PRKACB: variants seen among roughly 807,000 people sequenced by gnomAD.
PRKACB encodes protein kinase cAMP-activated catalytic subunit beta.
PRKACB carries 16 observed loss-of-function variants against 51.4 expected under a neutral mutation model. That is an observed-to-expected ratio of 0.31 (90% CI 0.21 to 0.47). The LOEUF (loss-of-function observed/expected upper bound fraction) is 0.47, where lower values mean the gene tolerates loss of function less well. PRKACB is among the 20% of genes least tolerant of loss of function. The pLI is 1.00. For synonymous variants in PRKACB, 147 were observed against 154.4 expected, an observed-to-expected ratio of 0.95 and a Z score of 0.35; for missense variants, 309 against 464.5, an observed-to-expected ratio of 0.67 and a Z score of 3.08.
At chr1:84,212,906 G>A (rs987602432) in intron 8 of PRKACB, among the ~76,000 whole-genome samples, 1 of 152,028 alleles carries the variant, frequency 6.6e-6, no homozygotes, top group African/African-American at 2.4e-5. Flanking sequence ...CAGAGCCTGG[G>A]GGAGACAGAA....
At chr1:84,227,328 C>T (rs2101664199) in intron 9 of PRKACB, among the ~76,000 whole-genome samples, 1 of 152,132 alleles carries the variant, frequency 6.6e-6, no homozygotes, top group South Asian at 2.1e-4. Context: ...ATAAAATCAT[C>T]CATTTCCCTT....
intron 1 of PRKACB, among the ~76,000 whole-genome samples, chr1:84,160,499 T>C (rs1190939136): frequency 6.7e-6 from 1 of 148,920 alleles, no homozygotes; most frequent in Non-Finnish European, 1.5e-5. Flanking sequence ...CATAAGACTT[T>C]TGGTTTAATT....
chr1:84,203,215 G>A (rs1670632307), intron 8 of PRKACB, among the ~76,000 whole-genome samples: 1 of 151,834 alleles, frequency 6.6e-6, no homozygotes, highest in African/African-American at 2.4e-5. Flanking sequence ...CTATAACATT[G>A]GAAGTAAAAG....
At chr1:84,110,228 A>G (rs924715170) in intron 1 of PRKACB, among the ~76,000 whole-genome samples, 6 of 152,020 alleles carry the variant, frequency 3.9e-5, no homozygotes, top group Non-Finnish European at 8.8e-5. Context: ...ATATGAAATA[A>G]TACAAATAAA....
intron 1 of PRKACB, among the ~76,000 whole-genome samples, chr1:84,137,286 A>G (rs1652925408): frequency 6.6e-6 from 1 of 152,236 alleles, no homozygotes; most frequent in African/African-American, 2.4e-5. Flanking sequence ...TTACTAAGTG[A>G]TAAAAACACT....
rs1189553832 is a variant in PRKACB, at chr1:84,236,325, A to G, written c.*1020A>G. On this transcript the variant is annotated 3_prime_UTR_variant, in exon 10 of 10. Coordinates refer to ENST00000370685, the MANE Select transcript of PRKACB (RefSeq NM_182948.4). The stretch of plus-strand genomic sequence containing the variant: ...AAAAATGGCTTGATTTTTGGAAACA[A>G]TATAGAGGTATTCATATTTAAATGA... 6.6e-6 allele frequency: 1 copy of G among 152,576 alleles called. No individual in the cohort carries two copies. Among genetic ancestry groups the G allele is most frequent in the African/African-American group, 2.4e-5 (1 of 41,450 alleles). The allele number at this position is 152,576 out of a possible 1,614,324, so 9.5% of individuals were successfully genotyped here. A position where few individuals can be genotyped will look rare whatever the true frequency, so the allele number is the denominator to read the frequency against.
At chr1:84,137,374 A>T (rs996564850) in intron 1 of PRKACB, among the ~76,000 whole-genome samples, 1 of 152,220 alleles carries the variant, frequency 6.6e-6, no homozygotes, top group Admixed American at 6.5e-5. Flanking sequence ...AAAAAATATC[A>T]TTAGGTGCCA....
At chr1:84,232,430 A>G (rs1314094261) in intron 9 of PRKACB, among the ~76,000 whole-genome samples, 2 of 152,188 alleles carry the variant, frequency 1.3e-5, no homozygotes, top group African/African-American at 2.4e-5. Context: ...GTAGATGTCT[A>G]TTAGGTCCAC....
chr1:84,156,179 A>T (rs1371907235), intron 1 of PRKACB, among the ~76,000 whole-genome samples: 1 of 151,888 alleles, frequency 6.6e-6, no homozygotes, highest in Non-Finnish European at 1.5e-5. Flanking sequence ...TATTTTTTGT[A>T]GAGATGAGAT....
chr1:84,202,724 A>G lies in PRKACB; in HGVS notation c.825A>G (p.Leu275=). Residue 275 remains leucine (L), a synonymous_variant, in exon 8 of 10, where the codon CTA becomes CTG. Coordinates refer to ENST00000370685, the MANE Select transcript of PRKACB (RefSeq NM_182948.4). ...KAVDWWALGV[L]IYEMAAGYPP... is the part of the protein sequence containing the mutation. ...TGGATTGGTGGGCATTAGGAGTGCTAATCTATGAAATGGCAGCTGGCTATC... is the reference window on the plus strand; with the variant it reads ...TGGATTGGTGGGCATTAGGAGTGCTGATCTATGAAATGGCAGCTGGCTATC... 2 of 1,610,214 alleles carry G rather than the reference A, an allele frequency of 1.2e-6. No individual in the cohort carries two copies. The highest frequency in any genetic ancestry group is 2.2e-5 in the East Asian group (1 of 44,714).
At chr1:84,157,705 A>T (rs2100678673) in intron 1 of PRKACB, among the ~76,000 whole-genome samples, 1 of 152,306 alleles carries the variant, frequency 6.6e-6, no homozygotes, top group Non-Finnish European at 1.5e-5. Context: ...TTTTAGGTTC[A>T]TCCATGTTAT....
chr1:84,171,923 A>G (rs1230735973), intron 1 of PRKACB, among the ~76,000 whole-genome samples: 1 of 151,704 alleles, frequency 6.6e-6, no homozygotes, highest in Non-Finnish European at 1.5e-5. Flanking sequence ...CTTTTACAAT[A>G]GCAACCAAAG....
chr1:84,145,311 T>A (rs1653908555), intron 1 of PRKACB, among the ~76,000 whole-genome samples: 1 of 152,078 alleles, frequency 6.6e-6, no homozygotes, highest in Admixed American at 6.6e-5. Flanking sequence ...CCTTGGACCC[T>A]CCTCAAGGTA....
chr1:84,199,363 C>G (rs1200993732), intron 7 of PRKACB, among the ~76,000 whole-genome samples: 2 of 152,004 alleles, frequency 1.3e-5, no homozygotes, highest in African/African-American at 4.8e-5. Flanking sequence ...TTCATAAATT[C>G]TCATCATTTA....
At chr1:84,111,872 A>G (rs1467191075) in intron 1 of PRKACB, among the ~76,000 whole-genome samples, 6 of 152,154 alleles carry the variant, frequency 3.9e-5, no homozygotes, top group Non-Finnish European at 8.8e-5. Context: ...GACCCCAGAG[A>G]ATGGTGTGGC....
At position 84,180,208 on chromosome 1, in the gene PRKACB, A is replaced by ATG. The variant is rs1553173853; in HGVS notation, c.249+972_249+973dup. 4.4e-4 allele frequency among the ~76,000 whole-genome samples: 57 copies of ATG among 129,940 alleles called. 3 individuals are homozygous for ATG. The highest frequency in any genetic ancestry group is 1.5e-3 in the African/African-American group (54 of 37,036). 85.2% of individuals were successfully genotyped at this position (129,940 alleles called of 152,430 possible). A position where few individuals can be genotyped will look rare whatever the true frequency, so the allele number is the denominator to read the frequency against. On this transcript the variant is annotated intron_variant, in intron 2 of 9. Coordinates refer to ENST00000370685, the MANE Select transcript of PRKACB (RefSeq NM_182948.4). ...GATATATATATATATATATATATAT[A>ATG]TGTATGATGGAGTACTATGCAGCCA...
chr1:84,110,447 A>T (rs904767748), intron 1 of PRKACB, among the ~76,000 whole-genome samples: 38 of 151,772 alleles, frequency 2.5e-4, no homozygotes, highest in Non-Finnish European at 5.3e-4. Flanking sequence ...GAAAATGTAA[A>T]CTTGCTTCCT....
chr1:84,225,482 A>G (rs1307338182), intron 9 of PRKACB, among the ~76,000 whole-genome samples: 1 of 152,156 alleles, frequency 6.6e-6, no homozygotes, highest in East Asian at 1.9e-4. Flanking sequence ...CATTGGGTCC[A>G]GCCAGCACTG....
intron 1 of PRKACB, among the ~76,000 whole-genome samples, chr1:84,111,367 T>G (rs1284136933): frequency 6.6e-6 from 1 of 152,148 alleles, no homozygotes; most frequent in African/African-American, 2.4e-5. Flanking sequence ...TACTAAGATC[T>G]TACAAATTAC....
Sources: allele counts gnomAD v4.1 joint callset (sites outside exome capture counted in the v4.1 genomes callset), GRCh38; gene constraint gnomAD v4.1.1; transcripts MANE v1.5; gene names NCBI Gene and HGNC (gene_info 2026-07-23, HGNC 2026-07-21).